Variants in CBLN2 observed in about 807,000 individuals in gnomAD.
The protein encoded by CBLN2 is cerebellin-2.
A neutral mutation model predicts 15.0 loss-of-function variants in CBLN2; 7 were observed. The ratio of observed to expected loss-of-function variants is 0.47; its 90% CI spans 0.27 to 0.88. The LOEUF (loss-of-function observed/expected upper bound fraction) is 0.88, where lower values mean the gene tolerates loss of function less well. CBLN2 is among the 40% of genes least tolerant of loss of function. The pLI is 0.14. For synonymous variants in CBLN2, 149 were observed against 135.2 expected (o/e 1.10, Z -0.71); for missense variants, 242 against 304.5 (o/e 0.79, Z 1.53).
chr18:72,628,500 C>G (rs1393016708), intron 1 of CBLN2, among the ~76,000 whole-genome samples: 1 of 152,180 alleles, frequency 6.6e-6, no homozygotes, highest in Non-Finnish European at 1.5e-5. Context: ...TCTGAATTGT[C>G]CAGCATTGGA....
intron 1 of CBLN2, among the ~76,000 whole-genome samples, chr18:72,608,423 G>T (rs1042102330): frequency 1.3e-5 from 2 of 152,194 alleles, no homozygotes; most frequent in Non-Finnish European, 2.9e-5. Context: ...CCTGCCAGCT[G>T]CCTTCTTTTC....
intron 1 of CBLN2, among the ~76,000 whole-genome samples, chr18:72,617,899 G>A (rs1599025577): frequency 6.6e-6 from 1 of 152,118 alleles, no homozygotes. Flanking sequence ...GAGTAATTAT[G>A]TTGTAAAATA....
rs1186240957 is a variant in CBLN2, at chr18:72,593,362, T to A, written c.15+44963A>T. Among the ~76,000 whole-genome samples, 4 of 152,342 alleles carry A rather than the reference T, an allele frequency of 2.6e-5. 1 individual carries two copies. The highest frequency in any genetic ancestry group is 6.8e-3 in the Middle Eastern group (2 of 294). On this transcript the variant is annotated intron_variant, in intron 1 of 2. Transcript: ENST00000581073. ...CCAATTTTTGTATGTTGACTTTGTA[T>A]CTTGAAAATTTTTGAATTTGTTTAT...
intron 1 of CBLN2, among the ~76,000 whole-genome samples, chr18:72,628,678 G>A (rs1040440221): frequency 6.6e-6 from 1 of 152,162 alleles, no homozygotes; most frequent in Non-Finnish European, 1.5e-5. Flanking sequence ...TTCATTGAAG[G>A]GGGAACTGTT....
chr18:72,580,895 C>T (rs1051712463), intron 1 of CBLN2, among the ~76,000 whole-genome samples: 5 of 152,124 alleles, frequency 3.3e-5, no homozygotes, highest in South Asian at 2.1e-4. Flanking sequence ...TCCTTTGAGC[C>T]CTCTTCTCAA....
chr18:72,570,315 G>T (rs1599003957), intron 1 of CBLN2, among the ~76,000 whole-genome samples: 1 of 131,662 alleles, frequency 7.6e-6, no homozygotes, highest in African/African-American at 2.9e-5. Flanking sequence ...GCGGCTTACT[G>T]CAGTCTTTAC....
chr18:72,576,760 A>G, intron 1 of CBLN2, among the ~76,000 whole-genome samples: 1 of 151,780 alleles, frequency 6.6e-6, no homozygotes, highest in Non-Finnish European at 1.5e-5. Flanking sequence ...AAAATTAAAA[A>G]CACATTTTAA....
chr18:72,615,118 T>G, intron 1 of CBLN2, among the ~76,000 whole-genome samples: 1 of 120,248 alleles, frequency 8.3e-6, no homozygotes, highest in Non-Finnish European at 1.6e-5. Context: ...TTTTAGAAAA[T>G]ATATATAAAT....
At chr18:72,544,394 C>A (rs1024044765), upstream of CBLN2, 1 of 152,172 alleles carries the variant, frequency 6.6e-6, no homozygotes, top group Non-Finnish European at 1.5e-5. Flanking sequence ...TGTCCGCGCT[C>A]GCTCAAAGGA....
At chr18:72,573,058 G>A (rs941462802) in intron 1 of CBLN2, among the ~76,000 whole-genome samples, 14 of 152,030 alleles carry the variant, frequency 9.2e-5, no homozygotes, top group Non-Finnish European at 4.4e-5. Context: ...TTTCTATAAA[G>A]CTGCCACACT....
chr18:72,546,191 A>T (rs964704052), upstream of CBLN2, among the ~76,000 whole-genome samples: 1 of 152,150 alleles, frequency 6.6e-6, no homozygotes, highest in Non-Finnish European at 1.5e-5. Flanking sequence ...TAATCCCAGC[A>T]CTTTGGGAGG....
intron 1 of CBLN2, among the ~76,000 whole-genome samples, chr18:72,635,202 C>T (rs566502283): frequency 2.0e-5 from 3 of 152,244 alleles, no homozygotes; most frequent in East Asian, 3.9e-4. Flanking sequence ...TCAGTTTCAA[C>T]CTCCCTAATG....
intron 1 of CBLN2, among the ~76,000 whole-genome samples, chr18:72,629,280 C>A (rs1371727054): frequency 1.3e-5 from 2 of 152,070 alleles, no homozygotes; most frequent in African/African-American, 4.8e-5. Context: ...AATTGTTCTG[C>A]TTGGTTTGCT....
At chr18:72,612,996 G>C (rs2069632698) in intron 1 of CBLN2, among the ~76,000 whole-genome samples, 1 of 152,180 alleles carries the variant, frequency 6.6e-6, no homozygotes, top group Non-Finnish European at 1.5e-5. Context: ...TTGCCCCGCA[G>C]ATTCTGGCAA....
intron 1 of CBLN2, among the ~76,000 whole-genome samples, chr18:72,596,977 CTGT>C (rs1356877032): frequency 6.6e-6 from 1 of 152,164 alleles, no homozygotes; most frequent in Non-Finnish European, 1.5e-5. Flanking sequence ...GGGAAGTTCT[CTGT>C]TATTATCCCT....
At position 72,543,828 on chromosome 18, in the gene CBLN2, T is replaced by A. The variant is rs1434368827; in HGVS notation, c.-212+149A>T. 6.2e-6 allele frequency: 1 copy of A among 161,962 alleles called. No individual in the cohort carries two copies. Among genetic ancestry groups the A allele is most frequent in the Non-Finnish European group, 1.3e-5 (1 of 74,814 alleles). 10.0% of individuals were successfully genotyped at this position (161,962 alleles called of 1,614,324 possible). On this transcript the variant is annotated intron_variant, in intron 1 of 4. Coordinates refer to ENST00000269503, the MANE Select transcript of CBLN2 (RefSeq NM_182511.4). The surrounding 1 kb of genome is among the most constrained non-coding windows in gnomAD (Gnocchi z 6.8). ...CCCTCGAGCTCCCGCGCTCAGCGCG[T>A]CCGCAGCGCGGCTCCCTCGCGGGTC...
At chr18:72,567,154 T>C (rs1346263732) in intron 1 of CBLN2, among the ~76,000 whole-genome samples, 1 of 152,206 alleles carries the variant, frequency 6.6e-6, no homozygotes, top group African/African-American at 2.4e-5. Flanking sequence ...GTGATGGATA[T>C]GCTGATTATG....
chr18:72,599,693 C>A (rs147944711), intron 1 of CBLN2, among the ~76,000 whole-genome samples: 8 of 152,144 alleles, frequency 5.3e-5, no homozygotes, highest in African/African-American at 1.9e-4. Flanking sequence ...GCATAAGATA[C>A]TGGAAAAAGA....
intron 1 of CBLN2, among the ~76,000 whole-genome samples, chr18:72,564,214 T>C (rs2069279710): frequency 6.6e-6 from 1 of 152,066 alleles, no homozygotes; most frequent in Admixed American, 6.6e-5. Flanking sequence ...GAAATGGAAA[T>C]TCAGAAATCA....
Sources: gnomAD v4.1 joint callset for allele counts (sites outside exome capture counted in the v4.1 genomes callset) on GRCh38, gnomAD v4.1.1 for gene constraint, Gnocchi (gnomAD v3.1) non-coding constraint, MANE v1.5 for transcripts, NCBI Gene and HGNC (gene_info 2026-07-23, HGNC 2026-07-21) for gene names.